VWF: variants seen among roughly 807,000 people sequenced by gnomAD.
VWF encodes Factor VIII related antigen.
A neutral mutation model predicts 308.6 loss-of-function variants in VWF; 176 were observed. The observed-to-expected ratio is 0.57, with a 90% CI of 0.50 to 0.65. VWF has a LOEUF of 0.65. Among genes scored for constraint, VWF ranks in the 30% least tolerant of loss-of-function variants. The pLI, the probability that VWF is intolerant of heterozygous loss-of-function variation, is 0.00. For synonymous variants in VWF, 1,385 were observed against 1,443.4 expected (o/e 0.96, Z 0.92); for missense variants, 3,146 against 3,648.2 (o/e 0.86, Z 3.55).
intron 16 of VWF, among the ~76,000 whole-genome samples, chr12:6,052,286 G>T (rs770861073): frequency 3.9e-5 from 6 of 152,172 alleles, no homozygotes; most frequent in Non-Finnish European, 7.3e-5. Flanking sequence ...AGAAATGGGG[G>T]CCAACACATA....
chr12:5,965,637 G>A (rs958843714), intron 47 of VWF, among the ~76,000 whole-genome samples: 20 of 152,140 alleles, frequency 1.3e-4, no homozygotes, highest in Admixed American at 8.5e-4. Flanking sequence ...GGGAGGCAAC[G>A]GAAGACTCAC....
At chr12:6,040,070 T>C (rs1172153612) in intron 18 of VWF, among the ~76,000 whole-genome samples, 1 of 152,100 alleles carries the variant, frequency 6.6e-6, no homozygotes, top group East Asian at 1.9e-4. Context: ...TCTCCTCCCG[T>C]GTGATAGAAG....
intron 5 of VWF, among the ~76,000 whole-genome samples, chr12:6,107,019 A>G (rs1186094310): frequency 6.6e-6 from 1 of 152,204 alleles, no homozygotes; most frequent in East Asian, 1.9e-4. Context: ...GGAAACAACA[A>G]AGCATCCTTC....
intron 34 of VWF, among the ~76,000 whole-genome samples, chr12:6,008,218 T>TAA (rs34683816): frequency 2.0e-5 from 3 of 151,480 alleles, no homozygotes; most frequent in Non-Finnish European, 2.9e-5. Flanking sequence ...GACTTTACAT[T>TAA]AAAAAAAACT....
chr12:6,072,591 T>A, intron 8 of VWF, 149 bp from the exon 9 acceptor site: 1 of 713,694 alleles, frequency 1.4e-6, no homozygotes, highest in Non-Finnish European at 2.5e-6. Context: ...CATAATGCAA[T>A]ATAAGGAAGG....
intron 6 of VWF, among the ~76,000 whole-genome samples, chr12:6,085,392 G>A (rs1389326027): frequency 6.6e-6 from 1 of 152,126 alleles, no homozygotes; most frequent in African/African-American, 2.4e-5. Flanking sequence ...TTTCTCTTAC[G>A]TGTCTTGTCC....
Position 6,102,855 on chromosome 12 carries a change from T to C in VWF, c.533-7271A>G, listed in dbSNP as rs146639892. ...AATGTAATCCTTATCAAAGTACCAA[T>C]GTCATTTTTCACAGAATTAGAAAAT... On this transcript the variant is annotated intron_variant, in intron 5 of 51. Transcript: ENST00000261405. 1.3e-3 allele frequency among the ~76,000 whole-genome samples: 191 copies of C among 152,330 alleles called. 2 individuals are homozygous for C. The East Asian group carries it at 0.026, about 21-fold the overall frequency.
intron 34 of VWF, among the ~76,000 whole-genome samples, chr12:6,002,090 G>C (rs1355757014): frequency 2.0e-5 from 3 of 151,730 alleles, no homozygotes; most frequent in Non-Finnish European, 2.9e-5. Flanking sequence ...GTGATCCTAG[G>C]AAAATTCATA....
Position 6,075,339 on chromosome 12 carries a change from C to T in VWF, c.870G>A (p.Ala290=), listed in dbSNP as rs150192701. 7.6e-5 allele frequency: 123 copies of T among 1,613,962 alleles called. No homozygotes were observed. In the South Asian group the frequency reaches 7.8e-4, roughly 10 times the overall value. ...MVLYGWTDHS[A]CSPVCPAGME... is the part of the protein sequence containing the mutation. Reference sequence around the variant, plus strand: ...CGGGGCAGGGGGCCGACTTACTGCACGCGCTGTGGTCGGTCCAGCCGTACA... The same window carrying T: ...CGGGGCAGGGGGCCGACTTACTGCATGCGCTGTGGTCGGTCCAGCCGTACA... The change falls in exon 7 of 52, where the codon GCG becomes GCA. Residue 290 remains alanine, a synonymous_variant. Transcript: ENST00000261405. This position sits in a 1 kb window ranked among gnomAD's most constrained non-coding sequence, Gnocchi z 4.7.
Position 5,994,369 on chromosome 12 carries a change from T to C in VWF, c.6256+46A>G, listed in dbSNP as rs749107323. 7 of 1,610,072 alleles carry C rather than the reference T, an allele frequency of 4.3e-6. No individual in the cohort carries two copies. The African/African-American group carries it at 5.3e-5, about 12-fold the overall frequency. On this transcript the variant is annotated intron_variant, in intron 36 of 51. Coordinates refer to ENST00000261405, the MANE Select transcript of VWF (RefSeq NM_000552.5). ...CTCAGAGTAGAGCAAGTAAGGTTTA[T>C]AAATGTATAGCAGGGGGAGAAGAGG... is the stretch of plus-strand genomic sequence containing the variant.
At chr12:5,993,383 C>A (rs558617162) in intron 37 of VWF, among the ~76,000 whole-genome samples, 1 of 152,156 alleles carries the variant, frequency 6.6e-6, no homozygotes, top group Non-Finnish European at 1.5e-5. Context: ...AGACTCTTGG[C>A]AACCAATGAT....
intron 40 of VWF, among the ~76,000 whole-genome samples, chr12:5,983,974 G>GGATGGATA (rs1943643979): frequency 2.3e-5 from 3 of 132,930 alleles, no homozygotes; most frequent in African/African-American, 8.2e-5. Flanking sequence ...ATGGATAGAT[G>GGATGGATA]GATAGATAGA....
intron 46 of VWF, among the ~76,000 whole-genome samples, chr12:5,967,860 CAG>C (rs1167165020): frequency 6.6e-6 from 1 of 152,232 alleles, no homozygotes; most frequent in African/African-American, 2.4e-5. Context: ...ACAATGACTT[CAG>C]AGTGCTTCTC....
rs1218047489 is a variant in VWF at position 6,046,812 on chromosome 12, C to A, written c.2192G>T (p.Cys731Phe). 6.2e-7 allele frequency: 1 copy of A among 1,614,038 alleles called. No individual in the cohort carries two copies. Among genetic ancestry groups the A allele is most frequent in the Admixed American group, 1.7e-5 (1 of 60,030 alleles). ...IFSDHHTMCY[C>F]EDGFMHCTMS... ...GGTACAGTGCATGAAGCCATCCTCA[C>A]AGTAGCTGCAGAGAAGAAAATCATA... Residue 731 changes from cysteine (C) to phenylalanine (F), a missense_variant, in exon 17 of 52, where the codon TGT becomes TTT. Cys to Phe is a radical substitution (Grantham distance 205). Transcript: ENST00000261405. This position sits in a 1 kb window ranked among gnomAD's most constrained non-coding sequence, Gnocchi z 5.0.
rs762190414 is a variant in VWF, at chr12:6,016,224, A to G, written c.5320T>C (p.Leu1774=). ...GTCAAGTATCGCACAGCAAAGCCCA[A>G]GGCATCCCCTGAGGATGGAGAACAG... ...EGGPSQIGDA[L]GFAVRYLTSE... The change falls in exon 31 of 52, where the codon TTG becomes CTG. Residue 1774 remains leucine, a synonymous_variant. Coordinates refer to ENST00000261405, the MANE Select transcript of VWF (RefSeq NM_000552.5). 1.2e-6 allele frequency: 2 copies of G among 1,614,216 alleles called. No individual in the cohort carries two copies. The highest frequency in any genetic ancestry group is 3.3e-5 in the Admixed American group (2 of 60,032).
At chr12:6,053,032 C>T (rs1185401216) in intron 15 of VWF, among the ~76,000 whole-genome samples, 2 of 152,190 alleles carry the variant, frequency 1.3e-5, no homozygotes, top group East Asian at 1.9e-4. Context: ...CCACTATGAG[C>T]AAATGTGTAT....
intron 5 of VWF, among the ~76,000 whole-genome samples, chr12:6,099,656 T>G (rs1223084207): frequency 6.6e-6 from 1 of 152,116 alleles, no homozygotes; most frequent in Non-Finnish European, 1.5e-5. Context: ...ATTCCCTATT[T>G]AATAAATGGT....
In VWF at chr12:6,020,840, G is replaced by A. The variant is rs1245676886; in HGVS notation, c.3674+1060C>T. ...TCCACACACTGCTTGCAGCTTCAGC[G>A]TGCACCGTGGCAGCTGCCCCTGCCC... On this transcript the variant is annotated intron_variant, in intron 27 of 51. Coordinates refer to ENST00000261405, the MANE Select transcript of VWF (RefSeq NM_000552.5). The surrounding 1 kb of genome is among the most constrained non-coding windows in gnomAD (Gnocchi z 4.3). Among the ~76,000 whole-genome samples the A allele has an allele frequency of 6.6e-6, 1 of 152,350 alleles. No homozygotes were observed. The highest frequency in any genetic ancestry group is 2.4e-5 in the African/African-American group (1 of 41,584).
At chr12:6,017,933 C>T (rs1255189720) in intron 28 of VWF, among the ~76,000 whole-genome samples, 1 of 152,142 alleles carries the variant, frequency 6.6e-6, no homozygotes, top group Non-Finnish European at 1.5e-5. Context: ...GTCAGCTACT[C>T]GGAATAATTT....
Sources: allele counts gnomAD v4.1 joint callset (sites outside exome capture counted in the v4.1 genomes callset), GRCh38; gene constraint gnomAD v4.1.1; non-coding constraint Gnocchi (gnomAD v3.1); transcripts MANE v1.5; gene names NCBI Gene and HGNC (gene_info 2026-07-23, HGNC 2026-07-21).